DOCK5: variants seen among roughly 807,000 people sequenced by gnomAD.
DOCK5 encodes dedicator of cytokinesis protein 5.
In DOCK5, 142 loss-of-function variants were observed where a neutral mutation model predicts 251.8. That is an observed-to-expected ratio of 0.56 (90% CI 0.49 to 0.65). DOCK5 has a LOEUF of 0.65. Ranked by LOEUF, DOCK5 falls within the 30% of genes least tolerant of loss-of-function variation. DOCK5 has a pLI of 0.00. For synonymous variants in DOCK5, 842 were observed against 835.5 expected, an observed-to-expected ratio of 1.01 and a Z score of -0.13; for missense variants, 2,111 against 2,312.3, an observed-to-expected ratio of 0.91 and a Z score of 1.79.
At chr8:25,225,346 A>G (rs533069488) in intron 1 of DOCK5, among the ~76,000 whole-genome samples, 1 of 152,228 alleles carries the variant, frequency 6.6e-6, no homozygotes, top group African/African-American at 2.4e-5. Flanking sequence ...AAGCAACAAA[A>G]TTGTGTACAG....
intron 12 of DOCK5, among the ~76,000 whole-genome samples, chr8:25,309,965 A>G (rs1164560549): frequency 6.6e-6 from 1 of 152,228 alleles, no homozygotes; most frequent in Admixed American, 6.5e-5. Flanking sequence ...AAGATGGGAA[A>G]TTAAATTTTC....
intron 25 of DOCK5, among the ~76,000 whole-genome samples, chr8:25,343,535 G>T (rs553708555): frequency 1.7e-4 from 26 of 152,228 alleles, no homozygotes; most frequent in African/African-American, 6.3e-4. Context: ...AGAGAATTTT[G>T]TCTTTAAAAC....
intron 42 of DOCK5, 149 bp from the exon 43 acceptor site, chr8:25,391,747 A>T: frequency 1.9e-6 from 1 of 528,562 alleles, no homozygotes; most frequent in South Asian, 3.0e-5. Flanking sequence ...ACACTTTCTC[A>T]GGCCTTCATG....
chr8:25,338,649 A>G (rs559476095), intron 22 of DOCK5, among the ~76,000 whole-genome samples: 432 of 152,208 alleles, frequency 2.8e-3, no homozygotes, highest in African/African-American at 1.0e-2. Flanking sequence ...GTCTTCTTTT[A>G]AAGTTGTTTC....
chr8:25,268,547 G>A (rs978096716), intron 2 of DOCK5, among the ~76,000 whole-genome samples: 8 of 152,196 alleles, frequency 5.3e-5, no homozygotes, highest in African/African-American at 1.2e-4. Flanking sequence ...GATAAGAAAC[G>A]GGCTGTCTTG....
intron 1 of DOCK5, among the ~76,000 whole-genome samples, chr8:25,185,896 CGGGGTGATTACAATGGCAGTTAGACCT>C (rs1270830312): frequency 6.6e-6 from 1 of 152,190 alleles, no homozygotes; most frequent in Non-Finnish European, 1.5e-5. Context: ...CTGCCCTGAA[CGGGGTGATTACAATGGCAGTTAGACCT>C]GGGGTGATTC....
intron 32 of DOCK5, 147 bp downstream of exon 32, chr8:25,368,397 T>C: frequency 9.2e-7 from 1 of 1,086,816 alleles, no homozygotes; most frequent in Non-Finnish European, 1.3e-6. Context: ...TGGGTTTCAT[T>C]GACAATGAAC....
At chr8:25,332,181 CT>C (rs2117217592) in intron 18 of DOCK5, 69 bp from the exon 19 acceptor site, 1 of 1,198,526 alleles carries the variant, frequency 8.3e-7, no homozygotes, top group East Asian at 2.4e-5. Flanking sequence ...CTAGAGAATT[CT>C]TTAGCTATGT....
At chr8:25,403,789 C>G in intron 48 of DOCK5, 65 bp downstream of exon 48, 1 of 1,539,106 alleles carries the variant, frequency 6.5e-7, no homozygotes, top group Non-Finnish European at 8.9e-7. Flanking sequence ...TTGCCTTTAG[C>G]CACGCATCAC....
At chr8:25,257,174 A>G (rs1035822048) in intron 2 of DOCK5, among the ~76,000 whole-genome samples, 6 of 152,138 alleles carry the variant, frequency 3.9e-5, no homozygotes, top group African/African-American at 7.2e-5. Flanking sequence ...CAGGAACCAG[A>G]AGACAGACCT....
At chr8:25,400,847 C>A in intron 46 of DOCK5, 82 bp from the exon 47 acceptor site, 1 of 1,517,202 alleles carries the variant, frequency 6.6e-7, no homozygotes, top group South Asian at 1.2e-5. Context: ...ACCTTTCCAC[C>A]CCATCCCTCC....
In DOCK5 at chr8:25,395,545, A is replaced by G. The variant is rs760455113; in HGVS notation, c.4530A>G (p.Glu1510=). The change falls in exon 45 of 52, where the codon GAA becomes GAG. Residue 1510 remains glutamate (E), a splice_region_variant and synonymous_variant. Transcript: ENST00000276440. ...KWFEVKQIST[E]EISPLENAIE... Reference sequence around the variant, plus strand: ...CTCCCATGTGCTCTGTCACTCAGGAAGAGATCAGTCCTCTGGAGAATGCCA... The same window carrying G: ...CTCCCATGTGCTCTGTCACTCAGGAGGAGATCAGTCCTCTGGAGAATGCCA... 304 of 1,608,560 alleles carry G rather than the reference A, an allele frequency of 1.9e-4. 2 individuals are homozygous for G. The highest frequency in any genetic ancestry group is 1.5e-3 in the South Asian group (138 of 90,492).
intron 40 of DOCK5, among the ~76,000 whole-genome samples, chr8:25,384,411 A>G (rs1801122527): frequency 6.7e-6 from 1 of 149,786 alleles, no homozygotes; most frequent in South Asian, 2.1e-4. Flanking sequence ...CTGTATGTAG[A>G]TTATGTCTTA....
At chr8:25,388,759 G>GGGGA (rs1289791130) in intron 40 of DOCK5, 3 of 225,150 alleles carry the variant, frequency 1.3e-5, no homozygotes, top group African/African-American at 6.6e-5. Context: ...CAGCATGCCT[G>GGGGA]TGGATGTCAT....
At chr8:25,246,001 T>C (rs60229428) in intron 2 of DOCK5, among the ~76,000 whole-genome samples, 8,209 of 152,324 alleles carry the variant, frequency 0.054, 539 homozygotes, top group African/African-American at 0.16. Flanking sequence ...GTCAGCTGTT[T>C]GCTTTATGTA....
chr8:25,316,865 A>G (rs929047896), intron 13 of DOCK5, 142 bp from the exon 14 acceptor site: 14 of 988,546 alleles, frequency 1.4e-5, no homozygotes, highest in African/African-American at 8.1e-5. Context: ...CAGCAAACGC[A>G]TATGAAAGCC....
At chr8:25,245,541 CTTTT>C (rs572702332) in intron 2 of DOCK5, among the ~76,000 whole-genome samples, 4 of 132,390 alleles carry the variant, frequency 3.0e-5, no homozygotes, top group African/African-American at 2.8e-5. Flanking sequence ...GTGCAAAGTT[CTTTT>C]TTTTTTTTTT....
At chr8:25,410,966 TGTGTGTGCGCGCGC>T (rs369962406) in intron 51 of DOCK5, among the ~76,000 whole-genome samples, 3 of 81,926 alleles carry the variant, frequency 3.7e-5, no homozygotes, top group East Asian at 4.7e-4. Flanking sequence ...TGTGTGTGTG[TGTGTGTGCGCGCGC>T]GCGCACGCAC....
At chr8:25,410,550 C>T (rs894899590) in intron 51 of DOCK5, among the ~76,000 whole-genome samples, 1 of 152,036 alleles carries the variant, frequency 6.6e-6, no homozygotes, top group African/African-American at 2.4e-5. Flanking sequence ...CAGCCTCAAA[C>T]TCCTGGGCTC....
Sources: allele counts gnomAD v4.1 joint callset (sites outside exome capture counted in the v4.1 genomes callset), GRCh38; gene constraint gnomAD v4.1.1; transcripts MANE v1.5; gene names NCBI Gene and HGNC (gene_info 2026-07-23, HGNC 2026-07-21).